Variants in MAPK10 observed in about 807,000 individuals in gnomAD.
MAPK10 encodes mitogen-activated protein kinase 10, also known as JNK3 alpha protein kinase.
Under a neutral mutation model 59.3 loss-of-function variants are expected in MAPK10, and 25 were observed. The ratio of observed to expected loss-of-function variants is 0.42; its 90% CI spans 0.31 to 0.59. The LOEUF is 0.59. Ranked by LOEUF, MAPK10 falls within the 20% of genes least tolerant of loss-of-function variation. The pLI, the probability that MAPK10 is intolerant of heterozygous loss-of-function variation, is 0.15. For synonymous variants in MAPK10, 190 were observed against 200.5 expected, an observed-to-expected ratio of 0.95 and a Z score of 0.44; for missense variants, 351 against 568.9, an observed-to-expected ratio of 0.62 and a Z score of 3.90.
At chr4:86,353,127 T>TACC (rs1732467294) in intron 2 of MAPK10, among the ~76,000 whole-genome samples, 1 of 148,920 alleles carries the variant, frequency 6.7e-6, no homozygotes, top group Non-Finnish European at 1.5e-5. Context: ...GACTAATCTC[T>TACC]ACCACATCCG....
chr4:86,115,032 A>G (rs2058093310), intron 4 of MAPK10, among the ~76,000 whole-genome samples: 1 of 152,166 alleles, frequency 6.6e-6, no homozygotes, highest in Non-Finnish European at 1.5e-5. Context: ...AGCAGCGTAA[A>G]ATGGCCAACT....
chr4:86,050,694 C>T (rs2043342982), intron 11 of MAPK10, among the ~76,000 whole-genome samples: 1 of 152,076 alleles, frequency 6.6e-6, no homozygotes, highest in Admixed American at 6.6e-5. Context: ...CTACCTGTGA[C>T]TATGCATGTA....
chr4:86,443,579 A>G (rs909599860), intron 1 of MAPK10, among the ~76,000 whole-genome samples: 1 of 151,558 alleles, frequency 6.6e-6, no homozygotes, highest in Non-Finnish European at 1.5e-5. Flanking sequence ...AGACCTAATC[A>G]CAGGACTATT....
chr4:86,552,426 G>GAGGAAGGAAGGAAGGA (rs1354327822), intron 1 of MAPK10, among the ~76,000 whole-genome samples: 17 of 106,996 alleles, frequency 1.6e-4, no homozygotes, highest in African/African-American at 3.1e-4. Context: ...GTCTCAAAGA[G>GAGGAAGGAAGGAAGGA]AGGAAGGAAG....
intron 11 of MAPK10, among the ~76,000 whole-genome samples, chr4:86,060,307 C>A (rs1313782020): frequency 1.3e-5 from 2 of 152,178 alleles, no homozygotes; most frequent in Non-Finnish European, 2.9e-5. Context: ...TCCCTATGCC[C>A]TTGCAAGGAA....
At chr4:86,188,516 CAT>C (rs765288260) in intron 3 of MAPK10, among the ~76,000 whole-genome samples, 3 of 152,034 alleles carry the variant, frequency 2.0e-5, no homozygotes, top group East Asian at 1.9e-4. Flanking sequence ...AGCTTTTTTT[CAT>C]ATGTTTGTTG....
At chr4:86,540,506 A>G (rs1215769534) in intron 1 of MAPK10, among the ~76,000 whole-genome samples, 1 of 152,210 alleles carries the variant, frequency 6.6e-6, no homozygotes, top group Non-Finnish European at 1.5e-5. Flanking sequence ...TCTCAAACAA[A>G]CAAAAAAACT....
At chr4:86,184,939 C>T (rs1443409728) in intron 3 of MAPK10, among the ~76,000 whole-genome samples, 2 of 152,146 alleles carry the variant, frequency 1.3e-5, no homozygotes. Context: ...TTCTGCAGTA[C>T]AGCAGTGAAC....
chr4:86,372,311 G>A (rs1472486583), intron 1 of MAPK10, among the ~76,000 whole-genome samples: 2 of 152,112 alleles, frequency 1.3e-5, no homozygotes, highest in Non-Finnish European at 2.9e-5. Context: ...GAGGTCAGGA[G>A]ATCGAGACCA....
intron 1 of MAPK10, among the ~76,000 whole-genome samples, chr4:86,450,780 T>C (rs1465115982): frequency 6.6e-6 from 1 of 152,236 alleles, no homozygotes; most frequent in African/African-American, 2.4e-5. Context: ...AAGCAAACTG[T>C]TCCAGCACTT....
chr4:86,186,339 T>A (rs1035125003), intron 3 of MAPK10, among the ~76,000 whole-genome samples: 1 of 152,050 alleles, frequency 6.6e-6, no homozygotes, highest in Non-Finnish European at 1.5e-5. Flanking sequence ...GCCTGAGACT[T>A]CAGAAACTGC....
intron 1 of MAPK10, among the ~76,000 whole-genome samples, chr4:86,421,749 A>G (rs535305655): frequency 2.6e-5 from 4 of 152,366 alleles, no homozygotes; most frequent in Admixed American, 6.5e-5. Flanking sequence ...AATATGTTCT[A>G]TAACACAGCC....
At chr4:86,407,218 T>G (rs909839466) in intron 1 of MAPK10, among the ~76,000 whole-genome samples, 2 of 152,320 alleles carry the variant, frequency 1.3e-5, no homozygotes, top group African/African-American at 4.8e-5. Context: ...CATGTGTTAT[T>G]ATGTTTAACA....
intron 2 of MAPK10, among the ~76,000 whole-genome samples, chr4:86,216,282 CATATATATATAGCATATATATATATAT>C (rs1463586253): frequency 2.8e-5 from 4 of 141,410 alleles, no homozygotes; most frequent in Non-Finnish European, 6.1e-5. Context: ...AGCACACACA[CATATATATATAGCATATATATATATAT>C]ATATATATAG....
intron 1 of MAPK10, among the ~76,000 whole-genome samples, chr4:86,478,019 G>C (rs1342530733): frequency 1.3e-5 from 2 of 151,952 alleles, no homozygotes; most frequent in African/African-American, 2.4e-5. Flanking sequence ...ACCTATCTCG[G>C]CATAATTATC....
At chr4:86,415,125 C>T (rs1745695259) in intron 1 of MAPK10, among the ~76,000 whole-genome samples, 1 of 124,228 alleles carries the variant, frequency 8.0e-6, no homozygotes, top group Non-Finnish European at 1.6e-5. Flanking sequence ...GGCAACAGAC[C>T]AAGATTCTGT....
intron 1 of MAPK10, among the ~76,000 whole-genome samples, chr4:86,408,775 A>C (rs896265298): frequency 2.4e-4 from 36 of 151,916 alleles, no homozygotes; most frequent in Non-Finnish European, 5.0e-4. Flanking sequence ...AAATTTGTTT[A>C]AGTTCTTTGT....
intron 1 of MAPK10, among the ~76,000 whole-genome samples, chr4:86,493,198 G>C (rs959111250): frequency 6.6e-6 from 1 of 152,150 alleles, no homozygotes; most frequent in African/African-American, 2.4e-5. Context: ...CTCACCAGAA[G>C]GCACCCCTGG....
intron 1 of MAPK10, among the ~76,000 whole-genome samples, chr4:86,386,019 G>A (rs369516627): frequency 1.1e-3 from 173 of 152,228 alleles, no homozygotes; most frequent in Non-Finnish European, 2.0e-3. Flanking sequence ...GCAATTTATC[G>A]TCCAAGATCT....
Sources: gnomAD v4.1 joint callset for allele counts (sites outside exome capture counted in the v4.1 genomes callset) on GRCh38, gnomAD v4.1.1 for gene constraint, MANE v1.5 for transcripts, NCBI Gene and HGNC (gene_info 2026-07-23, HGNC 2026-07-21) for gene names.